The following SH3RF3 variants were observed in gnomAD, a reference collection of about 807,000 sequenced individuals.
The protein encoded by SH3RF3 is SH3 domain containing ring finger 3, also known as E3 ubiquitin-protein ligase SH3RF3.
SH3RF3 carries 29 observed loss-of-function variants against 66.3 expected under a neutral mutation model. The ratio of observed to expected loss-of-function variants is 0.44; its 90% confidence interval spans 0.33 to 0.60. The LOEUF (loss-of-function observed/expected upper bound fraction) is 0.60. Ranked by LOEUF, SH3RF3 falls within the 20% of genes least tolerant of loss-of-function variation. The probability of loss-of-function intolerance (pLI) is 0.04; values close to 1 mark genes in which losing one functional copy is unlikely to be tolerated. For missense variants in SH3RF3, 1,194 were observed against 1,190.9 expected, an observed-to-expected ratio of 1.00 and a Z score of -0.04; for synonymous variants, 583 against 532.0, an observed-to-expected ratio of 1.10 and a Z score of -1.32.
chr2:109,220,157 C>A (rs1317482989), intron 1 of SH3RF3, among the ~76,000 whole-genome samples: 1 of 152,148 alleles, frequency 6.6e-6, no homozygotes, highest in African/African-American at 2.4e-5. Context: ...ACAAAGAAGC[C>A]AAGATCAGTC....
chr2:109,348,784 T>TG (rs1275607224), intron 2 of SH3RF3, among the ~76,000 whole-genome samples: 22 of 152,102 alleles, frequency 1.4e-4, no homozygotes, highest in African/African-American at 5.3e-4. Flanking sequence ...TCCTGTCTCT[T>TG]GTGTCTCCTC....
intron 9 of SH3RF3, among the ~76,000 whole-genome samples, chr2:109,497,900 C>T (rs1221492318): frequency 6.6e-6 from 1 of 152,244 alleles, no homozygotes; most frequent in African/African-American, 2.4e-5. Flanking sequence ...TCGCCCTTTG[C>T]CTTCCTTTCT....
chr2:109,370,245 CT>C (rs550342012), intron 2 of SH3RF3, among the ~76,000 whole-genome samples: 105 of 142,602 alleles, frequency 7.4e-4, no homozygotes, highest in South Asian at 6.7e-4. Flanking sequence ...CTCTCTTTTT[CT>C]TTTTTTTTTT....
At chr2:109,499,134 C>T (rs1404227295) in intron 9 of SH3RF3, among the ~76,000 whole-genome samples, 10 of 152,230 alleles carry the variant, frequency 6.6e-5, no homozygotes, top group African/African-American at 9.6e-5. Flanking sequence ...AGTGGGCAGC[C>T]GCCAGGACCA....
chr2:109,238,011 G>A (rs2105208779), intron 1 of SH3RF3, among the ~76,000 whole-genome samples: 1 of 152,246 alleles, frequency 6.6e-6, no homozygotes, highest in Non-Finnish European at 1.5e-5. Flanking sequence ...TTCAAAATCA[G>A]CCTGGGAAAC....
At chr2:109,458,466 T>C (rs1423141100) in intron 8 of SH3RF3, among the ~76,000 whole-genome samples, 1 of 152,098 alleles carries the variant, frequency 6.6e-6, no homozygotes, top group Admixed American at 6.6e-5. Flanking sequence ...GTTTATTTAG[T>C]GTGAAAATGG....
chr2:109,205,455 G>A (rs1678789432), intron 1 of SH3RF3, among the ~76,000 whole-genome samples: 3 of 151,860 alleles, frequency 2.0e-5, no homozygotes, highest in Admixed American at 2.0e-4. Context: ...TCACCATGTT[G>A]GCCAGGCTGG....
chr2:109,326,131 A>G lies in SH3RF3; in HGVS notation c.574-21543A>G, dbSNP rs138019315. 6.4e-3 allele frequency among the ~76,000 whole-genome samples: 973 copies of G among 152,262 alleles called. 12 individuals are homozygous for G. The highest frequency in any genetic ancestry group is 0.022 in the African/African-American group (931 of 41,548). ...AGGACACACACGTATGTGGGTCTAC[A>G]TTGTTTATTTGATTTTATCTATCTG... is the stretch of plus-strand genomic sequence containing the variant. On this transcript the variant is annotated intron_variant, in intron 1 of 9. Transcript: ENST00000309415.
intron 1 of SH3RF3, among the ~76,000 whole-genome samples, chr2:109,307,124 TA>T (rs1365094482): frequency 6.6e-6 from 1 of 152,174 alleles, no homozygotes; most frequent in African/African-American, 2.4e-5. Context: ...GGCTTGAAAT[TA>T]AAAAAATAAA....
At chr2:109,151,355 A>G (rs537146333) in intron 1 of SH3RF3, among the ~76,000 whole-genome samples, 167 of 152,316 alleles carry the variant, frequency 1.1e-3, no homozygotes, top group Non-Finnish European at 1.1e-3. Context: ...ATTCATGAAA[A>G]GCTAATGGTT....
chr2:109,405,463 C>G (rs555494342), intron 4 of SH3RF3, among the ~76,000 whole-genome samples: 1 of 152,146 alleles, frequency 6.6e-6, no homozygotes, highest in Non-Finnish European at 1.5e-5. Context: ...GCAGCACTGT[C>G]CATTCCCGTG....
At chr2:109,458,896 A>G (rs1678139183) in intron 8 of SH3RF3, among the ~76,000 whole-genome samples, 1 of 152,222 alleles carries the variant, frequency 6.6e-6, no homozygotes, top group Non-Finnish European at 1.5e-5. Flanking sequence ...GTGTTTGCTC[A>G]AACAACTGGG....
chr2:109,369,483 T>C (rs1683219266), intron 2 of SH3RF3, among the ~76,000 whole-genome samples: 1 of 152,254 alleles, frequency 6.6e-6, no homozygotes, highest in Non-Finnish European at 1.5e-5. Flanking sequence ...CTTAGAATGC[T>C]CTTTACGTTT....
At chr2:109,421,644 C>T (rs990844200) in intron 5 of SH3RF3, among the ~76,000 whole-genome samples, 1 of 152,220 alleles carries the variant, frequency 6.6e-6, no homozygotes, top group Admixed American at 6.5e-5. Context: ...TCCACCTTCT[C>T]CCTCTGGGCT....
At chr2:109,132,067 A>G (rs1299450965) in intron 1 of SH3RF3, among the ~76,000 whole-genome samples, 1 of 152,150 alleles carries the variant, frequency 6.6e-6, no homozygotes, top group African/African-American at 2.4e-5. Flanking sequence ...TTGGTACTTT[A>G]CTGTCCATTG....
At chr2:109,319,362 T>A (rs376612503) in intron 1 of SH3RF3, among the ~76,000 whole-genome samples, 4 of 152,380 alleles carry the variant, frequency 2.6e-5, no homozygotes, top group African/African-American at 9.6e-5. Flanking sequence ...GACAATGTCC[T>A]GAGCTGTGTC....
intron 1 of SH3RF3, among the ~76,000 whole-genome samples, chr2:109,229,113 T>C (rs1679439960): frequency 6.6e-6 from 1 of 152,150 alleles, no homozygotes; most frequent in African/African-American, 2.4e-5. Flanking sequence ...GAACAAAAGA[T>C]ACTCCTAGCC....
At chr2:109,446,364 A>C (rs1432900490) in intron 7 of SH3RF3, among the ~76,000 whole-genome samples, 1 of 152,226 alleles carries the variant, frequency 6.6e-6, no homozygotes, top group Non-Finnish European at 1.5e-5. Flanking sequence ...TCGTGAATTA[A>C]GCAGCCATGT....
rs12616195 is a variant in SH3RF3, at chr2:109,317,915, G to A, written c.574-29759G>A. Among the ~76,000 whole-genome samples the A allele has an allele frequency of 8.4e-3, 1,271 of 152,188 alleles. 15 individuals carry two copies. Among genetic ancestry groups the A allele is most frequent in the East Asian group, 0.044 (224 of 5,096 alleles). Reference sequence around the variant, plus strand: ...TGTATGTGGCCAGCAGCAGCTCGCTGGCTGCACCGCTGAGGGGACTCGCAC... The same window carrying A: ...TGTATGTGGCCAGCAGCAGCTCGCTAGCTGCACCGCTGAGGGGACTCGCAC... On this transcript the variant is annotated intron_variant, in intron 1 of 9. Coordinates refer to ENST00000309415, the MANE Select transcript of SH3RF3 (RefSeq NM_001099289.3).
Sources: gnomAD v4.1 joint callset for allele counts (sites outside exome capture counted in the v4.1 genomes callset) on GRCh38, gnomAD v4.1.1 for gene constraint, MANE v1.5 for transcripts, NCBI Gene and HGNC (gene_info 2026-07-23, HGNC 2026-07-21) for gene names.